Variants in CNTNAP5 observed in about 807,000 individuals in gnomAD.
CNTNAP5 encodes the protein contactin associated protein family member 5.
CNTNAP5 carries 72 observed loss-of-function variants against 150.2 expected under a neutral mutation model. The ratio of observed to expected loss-of-function variants is 0.48; its 90% CI spans 0.40 to 0.58. The LOEUF (loss-of-function observed/expected upper bound fraction) is 0.58, where lower values mean the gene tolerates loss of function less well. CNTNAP5 is among the 20% of genes least tolerant of loss of function. CNTNAP5 has a pLI of 0.00. For synonymous variants in CNTNAP5, 672 were observed against 619.8 expected, an observed-to-expected ratio of 1.08 and a Z score of -1.25; for missense variants, 1,636 against 1,626.2, an observed-to-expected ratio of 1.01 and a Z score of -0.10.
intron 13 of CNTNAP5, among the ~76,000 whole-genome samples, chr2:124,660,043 AAAGG>A (rs60444454): frequency 0.38 from 49,319 of 130,342 alleles, 10,026 homozygotes; most frequent in East Asian, 0.73. Context: ...AGGAAGGAAG[AAAGG>A]AAGGAAGGAA....
Position 124,242,404 on chromosome 2 carries a change from T to G in CNTNAP5, c.381+11T>G. 1 of 1,607,924 alleles carries G rather than the reference T, an allele frequency of 6.2e-7. No homozygotes were observed. Among genetic ancestry groups the G allele is most frequent in the Non-Finnish European group, 8.5e-7 (1 of 1,176,210 alleles). ...GAAGACAGCATCTGGGTAGGACATC[T>G]TTTTCCTTCCAATGAATAAAACTGA... On this transcript the variant is annotated intron_variant, in intron 3 of 23. Transcript: ENST00000682447.
At chr2:124,120,192 A>G (rs1384766455) in intron 1 of CNTNAP5, among the ~76,000 whole-genome samples, 3 of 152,188 alleles carry the variant, frequency 2.0e-5, no homozygotes, top group African/African-American at 7.2e-5. Context: ...TGTGATAACC[A>G]TGACTGTAGG....
At position 124,025,646 on chromosome 2, in the gene CNTNAP5, G is replaced by C. The variant is rs1680863111; in HGVS notation, c.-5G>C. On this transcript the variant is annotated 5_prime_UTR_variant, in exon 1 of 24. Coordinates refer to ENST00000682447, the MANE Select transcript of CNTNAP5 (RefSeq NM_001367498.1). ...CGATTGGGAGGGACCGCTCACTCGG[G>C]GGAAATGGATTCTTTACCACGGCTG... 1 of 1,613,716 alleles carries C rather than the reference G, an allele frequency of 6.2e-7. No individual in the cohort carries two copies. Among genetic ancestry groups the C allele is most frequent in the African/African-American group, 1.3e-5 (1 of 74,898 alleles).
At chr2:124,914,009 C>T in intron 23 of CNTNAP5, 83 bp from the exon 24 acceptor site, 1 of 949,898 alleles carries the variant, frequency 1.1e-6, no homozygotes, top group South Asian at 1.7e-5. Context: ...CCTACGCATT[C>T]CCCTCATCTG....
At chr2:124,098,577 A>G (rs1327239581) in intron 1 of CNTNAP5, among the ~76,000 whole-genome samples, 1 of 152,178 alleles carries the variant, frequency 6.6e-6, no homozygotes, top group Non-Finnish European at 1.5e-5. Flanking sequence ...CCTAAGAAGT[A>G]GTGTCCCATT....
chr2:124,465,812 G>A (rs948240033), intron 6 of CNTNAP5, among the ~76,000 whole-genome samples: 1 of 152,076 alleles, frequency 6.6e-6, no homozygotes, highest in Non-Finnish European at 1.5e-5. Flanking sequence ...ATAAACACAA[G>A]TAAGTGAATT....
In CNTNAP5 at chr2:124,235,446, C is replaced by T. The variant is rs995202355; in HGVS notation, c.188-6754C>T. On this transcript the variant is annotated intron_variant, in intron 2 of 23. Transcript: ENST00000682447. Reference sequence around the variant, plus strand: ...GGTGTTTCTCTCTGTGCTTTAGATGCCACCCTGCTCTTCAGAAGCTCTCAA... The same window carrying T: ...GGTGTTTCTCTCTGTGCTTTAGATGTCACCCTGCTCTTCAGAAGCTCTCAA... Among the ~76,000 whole-genome samples, 7 of 151,982 alleles carry T rather than the reference C, an allele frequency of 4.6e-5. No individual in the cohort carries two copies. In the East Asian group the frequency reaches 7.8e-4, roughly 17 times the overall value.
chr2:124,493,983 CACACA>C (rs1694090868), intron 7 of CNTNAP5, among the ~76,000 whole-genome samples: 3 of 151,284 alleles, frequency 2.0e-5, no homozygotes, highest in African/African-American at 7.3e-5. Flanking sequence ...CACACACACA[CACACA>C]CACACACACA....
intron 19 of CNTNAP5, among the ~76,000 whole-genome samples, chr2:124,859,209 C>T (rs1158280818): frequency 7.2e-5 from 11 of 151,928 alleles, no homozygotes; most frequent in Non-Finnish European, 1.3e-4. Context: ...AACAAATTTA[C>T]AAGAAAAAAA....
chr2:124,668,782 T>C (rs1573535678), intron 13 of CNTNAP5, among the ~76,000 whole-genome samples: 1 of 152,206 alleles, frequency 6.6e-6, no homozygotes, highest in South Asian at 2.1e-4. Flanking sequence ...TCAATTAACT[T>C]AAAGAGATTT....
At chr2:124,875,404 A>C (rs1038955675) in intron 21 of CNTNAP5, among the ~76,000 whole-genome samples, 2 of 152,196 alleles carry the variant, frequency 1.3e-5, no homozygotes, top group African/African-American at 2.4e-5. Context: ...CCAGGAAGCA[A>C]AATTCTACAG....
chr2:124,649,973 T>C (rs964641704), intron 13 of CNTNAP5, among the ~76,000 whole-genome samples: 68 of 152,236 alleles, frequency 4.5e-4, no homozygotes, highest in Non-Finnish European at 4.8e-4. Context: ...GTCATAATTA[T>C]GTAGTAACAG....
chr2:124,666,108 G>T (rs990652476), intron 13 of CNTNAP5, among the ~76,000 whole-genome samples: 3 of 152,124 alleles, frequency 2.0e-5, no homozygotes, highest in Non-Finnish European at 4.4e-5. Flanking sequence ...TGAGTAAGTA[G>T]TCCTGAAGCG....
intron 3 of CNTNAP5, among the ~76,000 whole-genome samples, chr2:124,344,798 A>G (rs1339310334): frequency 6.6e-6 from 1 of 152,166 alleles, no homozygotes. Flanking sequence ...CCAGCAGAGC[A>G]GATGTAAATG....
Position 124,331,164 on chromosome 2 carries a change from AG to A in CNTNAP5, c.382-86278del, listed in dbSNP as rs550295433. Among the ~76,000 whole-genome samples the A allele has an allele frequency of 3.2e-4, 48 of 152,262 alleles. No individual in the cohort carries two copies. The South Asian group carries it at 9.5e-3, about 30-fold the overall frequency. The stretch of plus-strand genomic sequence containing the variant: ...AACACTTTATAATTCCCTATAAAAA[AG>A]CTTCAGACAAAACATCAGAATAAAA... On this transcript the variant is annotated intron_variant, in intron 3 of 23. Transcript: ENST00000682447.
At chr2:124,543,430 C>T (rs761767789) in intron 10 of CNTNAP5, among the ~76,000 whole-genome samples, 1 of 152,034 alleles carries the variant, frequency 6.6e-6, no homozygotes, top group Non-Finnish European at 1.5e-5. Flanking sequence ...CTGAGTGTAC[C>T]CTGTGGATTC....
At position 124,451,029 on chromosome 2, in the gene CNTNAP5, TA is replaced by T. The variant is rs1156744323; in HGVS notation, c.918+4115del. 3.3e-3 allele frequency among the ~76,000 whole-genome samples: 67 copies of T among 20,030 alleles called. No individual in the cohort carries two copies. The East Asian group carries it at 0.053, about 16-fold the overall frequency. The allele number at this position is 20,030 out of a possible 152,430, so 13.1% of individuals were successfully genotyped here. On this transcript the variant is annotated intron_variant, in intron 6 of 23. Transcript: ENST00000682447. ...GGTAGCAGAATAGGACCATGTCTCT[TA>T]AAAAAAAAAAAAAAAAAAAAAATAT... is the stretch of plus-strand genomic sequence containing the variant.
At chr2:124,623,010 G>A (rs914513883) in intron 12 of CNTNAP5, among the ~76,000 whole-genome samples, 8 of 152,118 alleles carry the variant, frequency 5.3e-5, no homozygotes, top group African/African-American at 1.9e-4. Context: ...CTAGAAACAG[G>A]ATACCAATTA....
chr2:124,710,222 G>A (rs1389874000), intron 13 of CNTNAP5, among the ~76,000 whole-genome samples: 1 of 152,080 alleles, frequency 6.6e-6, no homozygotes, highest in African/African-American at 2.4e-5. Context: ...TTTCTAGAAA[G>A]CCCCAAGAAA....
Sources: allele counts gnomAD v4.1 joint callset (sites outside exome capture counted in the v4.1 genomes callset), GRCh38; gene constraint gnomAD v4.1.1; transcripts MANE v1.5; gene names NCBI Gene and HGNC (gene_info 2026-07-23, HGNC 2026-07-21).